CACNB2: variants seen among roughly 807,000 people sequenced by gnomAD.
The protein encoded by CACNB2 is voltage-dependent L-type calcium channel subunit beta-2.
Under a neutral mutation model 73.3 loss-of-function variants are expected in CACNB2, and 42 were observed. The ratio of observed to expected loss-of-function variants is 0.57; its 90% CI spans 0.45 to 0.74. The LOEUF (loss-of-function observed/expected upper bound fraction) is 0.74, where lower values mean the gene tolerates loss of function less well. Among genes scored for constraint, CACNB2 ranks in the 30% least tolerant of loss-of-function variants. The pLI is 0.00. For missense variants in CACNB2, 940 were observed against 853.0 expected, an observed-to-expected ratio of 1.10 and a Z score of -1.27; for synonymous variants, 348 against 310.3, an observed-to-expected ratio of 1.12 and a Z score of -1.28.
At chr10:18,396,082 G>T (rs984444779) in intron 2 of CACNB2, among the ~76,000 whole-genome samples, 3 of 151,920 alleles carry the variant, frequency 2.0e-5, no homozygotes, top group Non-Finnish European at 4.4e-5. Context: ...TCAGCCTCCC[G>T]AGTAGCTGGG....
At chr10:18,298,544 A>C (rs1412505523) in intron 2 of CACNB2, among the ~76,000 whole-genome samples, 1 of 152,226 alleles carries the variant, frequency 6.6e-6, no homozygotes, top group African/African-American at 2.4e-5. Context: ...TCATTCCCTA[A>C]AATCAAGAGG....
intron 2 of CACNB2, among the ~76,000 whole-genome samples, chr10:18,255,866 G>T (rs1296633863): frequency 2.0e-5 from 3 of 152,128 alleles, no homozygotes; most frequent in Non-Finnish European, 4.4e-5. Context: ...CTTCAGTTCT[G>T]CTACAGAAGG....
chr10:18,250,792 A>G (rs942272613), intron 2 of CACNB2, among the ~76,000 whole-genome samples: 7 of 152,098 alleles, frequency 4.6e-5, no homozygotes, highest in Admixed American at 2.0e-4. Flanking sequence ...CAGTTATCCA[A>G]TACTGTGCAG....
chr10:18,243,007 C>CA (rs68136708), intron 2 of CACNB2, among the ~76,000 whole-genome samples: 77,446 of 134,728 alleles, frequency 0.57, 22,157 homozygotes, highest in Non-Finnish European at 0.63. Flanking sequence ...AAGACTGTCT[C>CA]AAAAAAAAAA....
intron 2 of CACNB2, among the ~76,000 whole-genome samples, chr10:18,383,166 C>T (rs143982632): frequency 1.2e-4 from 19 of 152,334 alleles, no homozygotes; most frequent in African/African-American, 4.1e-4. Context: ...GTGACAGACA[C>T]ATACTTTATT....
chr10:18,322,959 CTTT>C (rs35664294), intron 2 of CACNB2, among the ~76,000 whole-genome samples: 6 of 106,324 alleles, frequency 5.6e-5, no homozygotes, highest in Admixed American at 1.1e-4. Flanking sequence ...TGGTGATATT[CTTT>C]TTTTTTTTTT....
Position 18,307,983 on chromosome 10 carries a change from C to CTTTTTTTTTTT in CACNB2, c.214-93924_214-93914dup, listed in dbSNP as rs869311555. On this transcript the variant is annotated intron_variant, in intron 2 of 13. Coordinates refer to ENST00000324631, the MANE Select transcript of CACNB2 (RefSeq NM_201596.3). Reference sequence around the variant, plus strand: ...TTAAGTCTAAAATAATATATGCCAACTTTTTTTTTTTTTTTTTTTTTTTTT... The same window carrying CTTTTTTTTTTT: ...TTAAGTCTAAAATAATATATGCCAACTTTTTTTTTTTTTTTTTTTTTTTTTTTTTTTTTTTT... 7.0e-4 allele frequency among the ~76,000 whole-genome samples: 49 copies of CTTTTTTTTTTT among 70,242 alleles called. 13 individuals are homozygous for CTTTTTTTTTTT. The highest frequency in any genetic ancestry group is 9.3e-4 in the South Asian group (2 of 2,140). 46.1% of individuals were successfully genotyped at this position (70,242 alleles called of 152,430 possible).
At chr10:18,158,894 A>G (rs909605293) in intron 2 of CACNB2, among the ~76,000 whole-genome samples, 2 of 152,180 alleles carry the variant, frequency 1.3e-5, no homozygotes, top group Non-Finnish European at 2.9e-5. Context: ...AGGTCAGGGA[A>G]AAATATGTAC....
At chr10:18,176,650 G>A (rs767064679) in intron 2 of CACNB2, among the ~76,000 whole-genome samples, 25 of 150,372 alleles carry the variant, frequency 1.7e-4, no homozygotes, top group Non-Finnish European at 3.0e-4. Context: ...GTGGGTTGTA[G>A]CAAATGGTGG....
rs148139075 is a variant in CACNB2, at chr10:18,216,481, C to T, written c.213+65506C>T. Among the ~76,000 whole-genome samples, 396 of 152,150 alleles carry T rather than the reference C, an allele frequency of 2.6e-3. 1 individual carries two copies. The highest frequency in any genetic ancestry group is 3.4e-3 in the Non-Finnish European group (234 of 68,008). On this transcript the variant is annotated intron_variant, in intron 2 of 13. Transcript: ENST00000324631. ...GTGATTATTATGAGTGGACATATCC[C>T]ACGTAAGCATGTACAACAGTCTTAA...
At chr10:18,297,923 A>C (rs1427966002) in intron 2 of CACNB2, among the ~76,000 whole-genome samples, 1 of 152,174 alleles carries the variant, frequency 6.6e-6, no homozygotes, top group Non-Finnish European at 1.5e-5. Flanking sequence ...ACGATCATGG[A>C]GTGAAGGCCG....
At chr10:18,424,873 A>G (rs1245887044) in intron 3 of CACNB2, among the ~76,000 whole-genome samples, 3 of 152,196 alleles carry the variant, frequency 2.0e-5, no homozygotes, top group African/African-American at 7.2e-5. Flanking sequence ...TTCTCTGTCC[A>G]TGGGCATTTA....
In CACNB2 at chr10:18,532,680, AAAAAAAAAAAAAAAAAC is replaced by A. The variant is rs748926892; in HGVS notation, c.1055-1391_1055-1375del. ...AGACAGAGAGAGACTCTGTCTCAAAAAAAAAAAAAAAAAAAACAAAACAAAAAAACAAACAAACAAAA... is the reference window on the plus strand; with the variant it reads ...AGACAGAGAGAGACTCTGTCTCAAAAAAAACAAAAAAACAAACAAACAAAA... On this transcript the variant is annotated intron_variant, in intron 10 of 13. Coordinates refer to ENST00000324631, the MANE Select transcript of CACNB2 (RefSeq NM_201596.3). 3.2e-3 allele frequency among the ~76,000 whole-genome samples: 213 copies of A among 66,500 alleles called. 1 individual carries two copies. In the East Asian group the frequency reaches 0.11, roughly 35 times the overall value. 43.6% of individuals were successfully genotyped at this position (66,500 alleles called of 152,430 possible).
At chr10:18,384,142 G>T (rs895765091) in intron 2 of CACNB2, among the ~76,000 whole-genome samples, 1 of 152,180 alleles carries the variant, frequency 6.6e-6, no homozygotes, top group African/African-American at 2.4e-5. Flanking sequence ...GGAACCTGTA[G>T]TCACTGGTAG....
At chr10:18,519,036 G>C in intron 9 of CACNB2, 68 bp downstream of exon 9, 1 of 1,358,104 alleles carries the variant, frequency 7.4e-7, no homozygotes, top group South Asian at 1.2e-5. Flanking sequence ...GGTGGGACAT[G>C]CGTGTGATTC....
chr10:18,529,831 T>A (rs559962455), intron 10 of CACNB2, among the ~76,000 whole-genome samples: 44 of 152,324 alleles, frequency 2.9e-4, no homozygotes, highest in African/African-American at 8.7e-4. Context: ...CACTTAAAAC[T>A]CTTTCCACAC....
At chr10:18,325,715 CTTCT>C (rs1423002241) in intron 2 of CACNB2, among the ~76,000 whole-genome samples, 1 of 130,938 alleles carries the variant, frequency 7.6e-6, no homozygotes, top group Non-Finnish European at 1.6e-5. Context: ...TCCTTCCTTC[CTTCT>C]CTCTCTTTCC....
chr10:18,197,379 C>T (rs1000459455), intron 2 of CACNB2, among the ~76,000 whole-genome samples: 6 of 152,156 alleles, frequency 3.9e-5, no homozygotes, highest in Non-Finnish European at 7.3e-5. Flanking sequence ...GAAAATACAA[C>T]TCAACCTGGC....
intron 2 of CACNB2, among the ~76,000 whole-genome samples, chr10:18,227,680 A>G (rs2036049454): frequency 6.6e-6 from 1 of 152,192 alleles, no homozygotes; most frequent in African/African-American, 2.4e-5. Context: ...CCCAGCGCTT[A>G]TCTACCATAG....
Sources: allele counts gnomAD v4.1 joint callset (sites outside exome capture counted in the v4.1 genomes callset), GRCh38; gene constraint gnomAD v4.1.1; transcripts MANE v1.5; gene names NCBI Gene and HGNC (gene_info 2026-07-23, HGNC 2026-07-21).